The following ANKRD55 variants were observed in gnomAD, a reference collection of about 807,000 sequenced individuals.
ANKRD55 encodes the protein ankyrin repeat domain-containing protein 55.
Under a neutral mutation model 60.6 loss-of-function variants are expected in ANKRD55, and 41 were observed. The observed-to-expected ratio is 0.68, with a 90% CI of 0.53 to 0.88. The LOEUF (loss-of-function observed/expected upper bound fraction) is 0.88, where lower values mean the gene tolerates loss of function less well. ANKRD55 is among the 40% of genes least tolerant of loss of function. The pLI is 0.00. For synonymous variants in ANKRD55, 264 were observed against 290.3 expected (o/e 0.91, Z 0.92); for missense variants, 732 against 767.6 (o/e 0.95, Z 0.55).
intron 2 of ANKRD55, among the ~76,000 whole-genome samples, chr5:56,196,751 A>G (rs1478762458): frequency 3.3e-5 from 5 of 152,326 alleles, no homozygotes; most frequent in Admixed American, 1.3e-4. Flanking sequence ...TGGTTAGCAT[A>G]CTTGCCTAGG....
At chr5:56,214,305 G>A (rs959268980) in intron 2 of ANKRD55, among the ~76,000 whole-genome samples, 2 of 152,188 alleles carry the variant, frequency 1.3e-5, no homozygotes, top group African/African-American at 4.8e-5. Context: ...CTTGACCTGG[G>A]GAGACCAGTC....
intron 2 of ANKRD55, among the ~76,000 whole-genome samples, chr5:56,186,499 G>C (rs1273464049): frequency 6.6e-6 from 1 of 152,086 alleles, no homozygotes; most frequent in African/African-American, 2.4e-5. Context: ...TGATAATTAG[G>C]ATAACTACCT....
At chr5:56,157,018 T>A (rs1758208204) in intron 6 of ANKRD55, 1 of 152,670 alleles carries the variant, frequency 6.6e-6, no homozygotes, top group Admixed American at 6.5e-5. Context: ...GAAAGAGAAA[T>A]CAGACTGTTA....
chr5:56,127,288 G>A (rs1757294039), intron 7 of ANKRD55, 182 bp from the exon 8 acceptor site: 1 of 985,264 alleles, frequency 1.0e-6, no homozygotes, highest in South Asian at 4.7e-5. Flanking sequence ...TCTCCAACAA[G>A]TGTCCACTTG....
At chr5:56,165,465 A>T (rs905776404) in intron 5 of ANKRD55, among the ~76,000 whole-genome samples, 1 of 152,130 alleles carries the variant, frequency 6.6e-6, no homozygotes, top group African/African-American at 2.4e-5. Context: ...ATCTTCCATC[A>T]TCATCATCAT....
At chr5:56,185,808 C>T (rs1043828287) in intron 2 of ANKRD55, among the ~76,000 whole-genome samples, 5 of 152,194 alleles carry the variant, frequency 3.3e-5, no homozygotes, top group Non-Finnish European at 5.9e-5. Flanking sequence ...CCCTTTGCCT[C>T]GGTTTCTCTG....
intron 6 of ANKRD55, among the ~76,000 whole-genome samples, chr5:56,147,729 T>C (rs1757933491): frequency 6.6e-6 from 1 of 152,208 alleles, no homozygotes; most frequent in South Asian, 2.1e-4. Flanking sequence ...TTTTTTCTTT[T>C]TCTTTTTTTC....
intron 7 of ANKRD55, among the ~76,000 whole-genome samples, chr5:56,128,831 T>C (rs1436854012): frequency 1.3e-5 from 2 of 152,198 alleles, no homozygotes; most frequent in African/African-American, 2.4e-5. Flanking sequence ...GGATTGACTG[T>C]GGAGGCATTG....
chr5:56,188,742 A>C (rs1759028793), intron 2 of ANKRD55, among the ~76,000 whole-genome samples: 1 of 152,202 alleles, frequency 6.6e-6, no homozygotes, highest in Non-Finnish European at 1.5e-5. Flanking sequence ...ATTTGAAGTC[A>C]AGTAATGTGA....
chr5:56,134,353 G>A (rs1374606522), intron 7 of ANKRD55, among the ~76,000 whole-genome samples: 1 of 114,600 alleles, frequency 8.7e-6, no homozygotes, highest in African/African-American at 2.8e-5. Context: ...CGAGACAGGT[G>A]GATCACCTGA....
chr5:56,220,786 C>T (rs1166479246), intron 2 of ANKRD55, among the ~76,000 whole-genome samples: 2 of 152,158 alleles, frequency 1.3e-5, no homozygotes, highest in Non-Finnish European at 2.9e-5. Context: ...GCACTCCAGC[C>T]TGGGTGACAG....
intron 2 of ANKRD55, among the ~76,000 whole-genome samples, chr5:56,212,030 A>G (rs1376643402): frequency 1.3e-5 from 2 of 148,788 alleles, no homozygotes; most frequent in African/African-American, 2.5e-5. Flanking sequence ...ATTTTCTAAG[A>G]TTAGCATAAA....
intron 3 of ANKRD55, among the ~76,000 whole-genome samples, chr5:56,178,335 G>A (rs1758782250): frequency 1.3e-5 from 2 of 151,880 alleles, no homozygotes; most frequent in South Asian, 2.1e-4. Context: ...GATTACCGGC[G>A]TGAGCCACTG....
At chr5:56,127,422 C>T (rs1445109849) in intron 7 of ANKRD55, 5 of 984,996 alleles carry the variant, frequency 5.1e-6, no homozygotes, top group South Asian at 4.7e-5. Flanking sequence ...CTAGAGTGAT[C>T]GGTGGGCCAC....
chr5:56,109,038 A>AACACACACACACACACACAC (rs60023559), intron 10 of ANKRD55, among the ~76,000 whole-genome samples: 1 of 143,878 alleles, frequency 7.0e-6, no homozygotes, highest in African/African-American at 2.7e-5. Context: ...TCTGTCTCAA[A>AACACACACACACACACACAC]ACACACACAC....
chr5:56,111,724 G>A lies in ANKRD55; in HGVS notation c.1024C>T (p.Arg342Trp), dbSNP rs147414262. 1.6e-3 allele frequency: 2,413 copies of A among 1,517,650 alleles called. 9 individuals carry two copies. Among genetic ancestry groups the A allele is most frequent in the Non-Finnish European group, 8.6e-4 (982 of 1,137,616 alleles). 94.0% of individuals were successfully genotyped at this position (1,517,650 alleles called of 1,614,324 possible). The change falls in exon 10 of 12, where the codon CGG (arginine) becomes TGG (tryptophan). Residue 342 changes from arginine to tryptophan, a missense_variant. Physicochemically the swap from Arg to Trp is moderately radical, Grantham distance 101. Coordinates refer to ENST00000341048, the MANE Select transcript of ANKRD55 (RefSeq NM_024669.3). ...AATATTTGGTTGAGCACGTTGAACC[G>A]TCTCTCCTTCTTCTGGGGCCGACTG... is the stretch of plus-strand genomic sequence containing the variant. ...QSSRPQKKER[R>W]FNVLNQIFCK...
intron 2 of ANKRD55, among the ~76,000 whole-genome samples, chr5:56,196,060 A>G (rs1194765968): frequency 6.6e-6 from 1 of 152,226 alleles, no homozygotes; most frequent in Non-Finnish European, 1.5e-5. Flanking sequence ...GAATGTTGTC[A>G]TGAATCCTGG....
At chr5:56,179,434 G>A (rs1758810404) in intron 3 of ANKRD55, among the ~76,000 whole-genome samples, 1 of 152,162 alleles carries the variant, frequency 6.6e-6, no homozygotes, top group Admixed American at 6.6e-5. Context: ...AGGGAAAAGG[G>A]GTGGAATCAG....
At chr5:56,220,563 C>T (rs766461214) in intron 2 of ANKRD55, among the ~76,000 whole-genome samples, 1 of 152,188 alleles carries the variant, frequency 6.6e-6, no homozygotes, top group Non-Finnish European at 1.5e-5. Context: ...GCCTGTACTT[C>T]CAGCACTTTG....
Sources: allele counts gnomAD v4.1 joint callset (sites outside exome capture counted in the v4.1 genomes callset), GRCh38; gene constraint gnomAD v4.1.1; transcripts MANE v1.5; gene names NCBI Gene and HGNC (gene_info 2026-07-23, HGNC 2026-07-21).